The following MAP4 variants were observed in gnomAD, a reference collection of about 807,000 sequenced individuals.
The protein encoded by MAP4 is microtubule associated protein 4, also known as microtubule-associated protein 4.
In MAP4, 76 loss-of-function variants were observed where a neutral mutation model predicts 170.2. The ratio of observed to expected loss-of-function variants is 0.45; its 90% CI spans 0.37 to 0.54. The LOEUF (loss-of-function observed/expected upper bound fraction) is 0.54. MAP4 is among the 20% of genes least tolerant of loss of function. The pLI is 0.00. For missense variants in MAP4, 2,506 were observed against 2,748.0 expected (o/e 0.91, Z 1.97); for synonymous variants, 909 against 994.5 (o/e 0.91, Z 1.62).
intron 10 of MAP4, among the ~76,000 whole-genome samples, chr3:47,882,606 C>T (rs748422018): frequency 3.3e-5 from 5 of 151,978 alleles, no homozygotes; most frequent in Non-Finnish European, 7.4e-5. Flanking sequence ...CAATGTTCTA[C>T]TACTGTTTTT....
intron 1 of MAP4, among the ~76,000 whole-genome samples, chr3:48,068,340 C>G (rs952321036): frequency 2.7e-5 from 4 of 149,742 alleles, no homozygotes; most frequent in African/African-American, 9.8e-5. Context: ...TGAAAATTAA[C>G]TGAATCCTTG....
chr3:47,948,338 A>G (rs1004106436), intron 3 of MAP4, among the ~76,000 whole-genome samples: 2 of 148,794 alleles, frequency 1.3e-5, no homozygotes, highest in Non-Finnish European at 3.0e-5. Flanking sequence ...GGCTCAAGCG[A>G]TCCTCCTGCC....
intron 10 of MAP4, among the ~76,000 whole-genome samples, chr3:47,888,831 C>G (rs141610830): frequency 2.5e-4 from 38 of 152,350 alleles, no homozygotes; most frequent in Non-Finnish European, 4.3e-4. Flanking sequence ...AACCTATACT[C>G]TCTCCTTTAG....
chr3:47,912,509 A>C, intron 8 of MAP4, 88 bp from the exon 9 acceptor site: 1 of 1,212,128 alleles, frequency 8.2e-7, no homozygotes, highest in South Asian at 1.7e-5. Flanking sequence ...GACCATATAA[A>C]TGACTAATTT....
chr3:48,066,933 C>T (rs1327977331), intron 1 of MAP4, among the ~76,000 whole-genome samples: 1 of 143,176 alleles, frequency 7.0e-6, no homozygotes, highest in East Asian at 2.2e-4. Context: ...CTCCGCCTCC[C>T]AGGTTCACAC....
Position 47,916,250 on chromosome 3 carries a change from G to C in MAP4, c.1577C>G (p.Thr526Arg), listed in dbSNP as rs1356154813. 12 of 1,614,082 alleles carry C rather than the reference G, an allele frequency of 7.4e-6. No individual in the cohort carries two copies. The Admixed American group carries it at 1.5e-4, about 20-fold the overall frequency. ...TACGTTCTTGATGAGAACTACTTCT[G>C]TTTCTGGAGGTGGAGTCACATCCTT... ...LGKDVTPPPE[T>R]EVVLIKNVCL... Residue 526 changes from threonine to arginine, a missense_variant, in exon 7 of 21, where the codon ACA becomes AGA. Transcript: ENST00000683076.
intron 9 of MAP4, among the ~76,000 whole-genome samples, chr3:47,906,291 C>T (rs763088966): frequency 4.6e-5 from 7 of 151,926 alleles, no homozygotes; most frequent in African/African-American, 7.3e-5. Context: ...ATTACACAGA[C>T]GCACACACAT....
intron 10 of MAP4, chr3:47,892,396 T>C (rs1450307285): frequency 1.3e-6 from 2 of 1,536,140 alleles, no homozygotes; most frequent in Non-Finnish European, 1.7e-6. Context: ...GACTGATTTC[T>C]TTTGGGGAGT....
intron 3 of MAP4, chr3:47,974,473 AATT>A (rs1336114822): frequency 1.0e-6 from 1 of 984,406 alleles, no homozygotes; most frequent in Non-Finnish European, 1.2e-6. Context: ...ACATGGTGCC[AATT>A]ATTTCTTTTA....
intron 1 of MAP4, among the ~76,000 whole-genome samples, chr3:48,088,168 C>G (rs1048718113): frequency 6.6e-6 from 1 of 151,780 alleles, no homozygotes; most frequent in Non-Finnish European, 1.5e-5. Flanking sequence ...AGTCCCTGTA[C>G]CCTCCCCACC....
intron 1 of MAP4, among the ~76,000 whole-genome samples, chr3:48,081,498 G>C (rs538860676): frequency 6.6e-6 from 1 of 151,998 alleles, no homozygotes; most frequent in East Asian, 1.9e-4. Flanking sequence ...TACTTTATAT[G>C]ACAATTAAGA....
At chr3:48,001,580 A>G (rs2100099170) in intron 1 of MAP4, among the ~76,000 whole-genome samples, 1 of 151,992 alleles carries the variant, frequency 6.6e-6, no homozygotes, top group African/African-American at 2.4e-5. Context: ...CCTCACTGCA[A>G]CCTCCACCTC....
chr3:47,903,054 AAGGGAGGGCCTATTTAC>A, intron 9 of MAP4, 54 bp from the exon 10 acceptor site: 1 of 768,938 alleles, frequency 1.3e-6, no homozygotes, highest in Admixed American at 6.2e-5. Context: ...CACTATGGCA[AAGGGAGGGCCTATTTAC>A]AGGGATCCCA....
intron 10 of MAP4, chr3:47,891,995 G>C: frequency 6.5e-7 from 1 of 1,536,352 alleles, no homozygotes; most frequent in South Asian, 1.2e-5. Flanking sequence ...AGCAGCCCCA[G>C]GGAAATCCAG....
At chr3:47,891,644 T>C (rs1212569459) in intron 10 of MAP4, 15 of 1,536,142 alleles carry the variant, frequency 9.8e-6, no homozygotes, top group Non-Finnish European at 1.2e-5. Flanking sequence ...CACAGCCTCC[T>C]CGGTAGAACT....
intron 3 of MAP4, among the ~76,000 whole-genome samples, chr3:47,959,817 T>A (rs1270988425): frequency 6.6e-6 from 1 of 151,130 alleles, no homozygotes; most frequent in East Asian, 1.9e-4. Context: ...ATGAAATAAA[T>A]GTAGCGCTGT....
In MAP4 at chr3:47,870,962, T is replaced by C. The variant is rs375818941; in HGVS notation, c.6145A>G (p.Ile2049Val). Reference sequence around the variant, plus strand: ...TTGGCCGAGGTGGGCTTCTTGTCTATGAAAGGAGTTGTGGAGGGCCGGGAG... The same window carrying C: ...TTGGCCGAGGTGGGCTTCTTGTCTACGAAAGGAGTTGTGGAGGGCCGGGAG... ...MPSRPSTTPF[I>V]DKKPTSAKPS... Residue 2049 changes from isoleucine (I) to valine (V), a missense_variant, in exon 15 of 21, where the codon ATA becomes GTA. Physicochemically the swap from Ile to Val is conservative, Grantham distance 29. Transcript: ENST00000683076. 2.5e-6 allele frequency: 4 copies of C among 1,614,074 alleles called. No homozygotes were observed. The highest frequency in any genetic ancestry group is 1.1e-5 in the South Asian group (1 of 91,084).
At chr3:47,979,753 GC>G (rs1453016614) in intron 2 of MAP4, among the ~76,000 whole-genome samples, 2 of 152,264 alleles carry the variant, frequency 1.3e-5, no homozygotes, top group South Asian at 4.1e-4. Context: ...GAGCCACTGT[GC>G]CCAGCCATAA....
intron 1 of MAP4, among the ~76,000 whole-genome samples, chr3:48,088,492 GC>G (rs1351724969): frequency 1.3e-5 from 2 of 151,910 alleles, no homozygotes; most frequent in Non-Finnish European, 2.9e-5. Context: ...ATGTCGCTCG[GC>G]CCCACCGCCC....
Sources: gnomAD v4.1 joint callset for allele counts (sites outside exome capture counted in the v4.1 genomes callset) on GRCh38, gnomAD v4.1.1 for gene constraint, MANE v1.5 for transcripts, NCBI Gene and HGNC (gene_info 2026-07-23, HGNC 2026-07-21) for gene names.